Variants in PPFIBP1 observed in about 807,000 individuals in gnomAD.
PPFIBP1 encodes PPFIB scaffold protein 1.
A neutral mutation model predicts 137.8 loss-of-function variants in PPFIBP1; 112 were observed. The observed-to-expected ratio is 0.81, with a 90% CI of 0.70 to 0.95. The LOEUF (loss-of-function observed/expected upper bound fraction) is 0.95. Among genes scored for constraint, PPFIBP1 ranks in the 40% least tolerant of loss-of-function variants. The probability of loss-of-function intolerance (pLI) is 0.00; values close to 1 mark genes in which losing one functional copy is unlikely to be tolerated. For synonymous variants in PPFIBP1, 378 were observed against 417.3 expected (o/e 0.91, Z 1.15); for missense variants, 1,083 against 1,196.6 (o/e 0.91, Z 1.40).
At chr12:27,647,602 A>AT (rs58956640) in intron 5 of PPFIBP1, 127 bp from the exon 6 acceptor site, 718 of 560,302 alleles carry the variant, frequency 1.3e-3, no homozygotes, top group South Asian at 2.5e-3. Flanking sequence ...TACTTCTCAG[A>AT]TTTTTTTTTC....
chr12:27,539,067 G>A (rs1211786055), intron 1 of PPFIBP1, among the ~76,000 whole-genome samples: 1 of 152,222 alleles, frequency 6.6e-6, no homozygotes, highest in South Asian at 2.1e-4. Context: ...AGTATCAGTA[G>A]TGCTGAGGTT....
intron 5 of PPFIBP1, among the ~76,000 whole-genome samples, chr12:27,647,284 A>G (rs1417446660): frequency 1.3e-5 from 2 of 152,146 alleles, no homozygotes; most frequent in Non-Finnish European, 2.9e-5. Flanking sequence ...TACAGGCGTG[A>G]GCCACCGTGC....
intron 2 of PPFIBP1, among the ~76,000 whole-genome samples, chr12:27,580,903 A>G (rs73078243): frequency 0.2 from 29,900 of 149,956 alleles, 3,199 homozygotes; most frequent in Middle Eastern, 0.27. Flanking sequence ...TTTATACATT[A>G]TACTCTTTTT....
At chr12:27,668,148 GC>G (rs1593254639) in intron 13 of PPFIBP1, among the ~76,000 whole-genome samples, 2 of 152,004 alleles carry the variant, frequency 1.3e-5, no homozygotes, top group Non-Finnish European at 2.9e-5. Flanking sequence ...AAATACACTC[GC>G]CCCCTTTCCG....
intron 3 of PPFIBP1, among the ~76,000 whole-genome samples, chr12:27,634,491 C>T (rs2139056971): frequency 6.6e-6 from 1 of 152,298 alleles, no homozygotes; most frequent in East Asian, 1.9e-4. Context: ...TAGTCTTCAT[C>T]TGGGTTCATT....
rs527864168 is a variant in PPFIBP1, at chr12:27,683,596, G to A, written c.2247+893G>A. On this transcript the variant is annotated intron_variant, in intron 24 of 29. Coordinates refer to ENST00000228425, the MANE Select transcript of PPFIBP1 (RefSeq NM_003622.4). The stretch of plus-strand genomic sequence containing the variant: ...TTACTGGGGTTAAAGGAGGAGGGAG[G>A]AAGGCTAGACTTCTACTCTGGTTCC... Among the ~76,000 whole-genome samples, 111 of 152,274 alleles carry A rather than the reference G, an allele frequency of 7.3e-4. 1 individual carries two copies. Among genetic ancestry groups the A allele is most frequent in the African/African-American group, 2.6e-3 (109 of 41,566 alleles).
chr12:27,646,378 G>T, intron 5 of PPFIBP1: 1 of 536,732 alleles, frequency 1.9e-6, no homozygotes. Context: ...GGACCAGTCT[G>T]AATACGGGCA....
intron 16 of PPFIBP1, 69 bp downstream of exon 16, chr12:27,673,896 T>C (rs1234361757): frequency 1.1e-5 from 15 of 1,333,418 alleles, no homozygotes; most frequent in Non-Finnish European, 1.6e-5. Context: ...GATCTTCATC[T>C]TTTCCCTTTT....
At chr12:27,528,743 G>T (rs542757221) in intron 1 of PPFIBP1, among the ~76,000 whole-genome samples, 1 of 152,250 alleles carries the variant, frequency 6.6e-6, no homozygotes, top group East Asian at 1.9e-4. Flanking sequence ...AGAAATATGG[G>T]TTCTTCTAGG....
chr12:27,560,684 A>G (rs1167892414), intron 1 of PPFIBP1, among the ~76,000 whole-genome samples: 9 of 152,208 alleles, frequency 5.9e-5, no homozygotes, highest in Non-Finnish European at 8.8e-5. Context: ...CTTCTGTTTT[A>G]AGATGAGTAG....
intron 2 of PPFIBP1, among the ~76,000 whole-genome samples, chr12:27,602,323 G>A (rs574706391): frequency 6.6e-6 from 1 of 152,276 alleles, no homozygotes; most frequent in South Asian, 2.1e-4. Context: ...TATATTTAAG[G>A]TGTACAGTGT....
At chr12:27,558,081 T>C (rs911983506) in intron 1 of PPFIBP1, among the ~76,000 whole-genome samples, 2 of 152,248 alleles carry the variant, frequency 1.3e-5, no homozygotes, top group African/African-American at 4.8e-5. Context: ...AAAGTGTTCT[T>C]TCTACATACG....
chr12:27,586,965 C>T (rs1255814675), intron 2 of PPFIBP1, among the ~76,000 whole-genome samples: 2 of 152,142 alleles, frequency 1.3e-5, no homozygotes, highest in African/African-American at 4.8e-5. Context: ...TTGAAACTTG[C>T]AAAAATTTCA....
intron 8 of PPFIBP1, chr12:27,655,105 A>G (rs1319574483): frequency 1.4e-6 from 2 of 1,403,984 alleles, no homozygotes; most frequent in South Asian, 1.2e-5. Context: ...GTCTTTTTCT[A>G]TCTGTAGTTT....
Position 27,670,778 on chromosome 12 carries a change from CA to C in PPFIBP1, c.1147-635del, listed in dbSNP as rs1173003497. 1.8e-3 allele frequency among the ~76,000 whole-genome samples: 258 copies of C among 142,158 alleles called. 1 individual carries two copies. The highest frequency in any genetic ancestry group is 6.3e-3 in the African/African-American group (249 of 39,324). The allele number at this position is 142,158 out of a possible 152,430, so 93.3% of individuals were successfully genotyped here. On this transcript the variant is annotated intron_variant, in intron 13 of 29. Coordinates refer to ENST00000228425, the MANE Select transcript of PPFIBP1 (RefSeq NM_003622.4). Reference sequence around the variant, plus strand: ...TGGATGACAAAGTGAGACCCTGTCTCAAAAAAAAAAAAAAAAAATAATAATA... The same window carrying C: ...TGGATGACAAAGTGAGACCCTGTCTCAAAAAAAAAAAAAAAAATAATAATA...
At chr12:27,670,102 G>A (rs562642854) in intron 13 of PPFIBP1, among the ~76,000 whole-genome samples, 1 of 152,216 alleles carries the variant, frequency 6.6e-6, no homozygotes, top group African/African-American at 2.4e-5. Flanking sequence ...GGAGTTCATT[G>A]TGGCAAACTT....
At chr12:27,542,328 A>T (rs1042771016) in intron 1 of PPFIBP1, among the ~76,000 whole-genome samples, 1 of 152,244 alleles carries the variant, frequency 6.6e-6, no homozygotes, top group African/African-American at 2.4e-5. Context: ...GAACTTTAGC[A>T]TCTGCGGATT....
At chr12:27,561,715 G>A (rs1014417768) in intron 1 of PPFIBP1, among the ~76,000 whole-genome samples, 6 of 151,994 alleles carry the variant, frequency 3.9e-5, no homozygotes, top group African/African-American at 1.4e-4. Context: ...GTAGTTCTCC[G>A]AGCACTCCTC....
In PPFIBP1 at chr12:27,542,837, C is replaced by T. The variant is rs189919600; in HGVS notation, c.-124+18472C>T. ...TCGTAGGCAAAACATGTTTTGTCTA[C>T]GTGTTCATGTAAAAAGCACAGACGG... On this transcript the variant is annotated intron_variant, in intron 1 of 29. Coordinates refer to ENST00000228425, the MANE Select transcript of PPFIBP1 (RefSeq NM_003622.4). 2.8e-3 allele frequency among the ~76,000 whole-genome samples: 430 copies of T among 152,200 alleles called. 2 individuals are homozygous for T. Among genetic ancestry groups the T allele is most frequent in the Middle Eastern group, 0.01 (3 of 294 alleles).
Sources: gnomAD v4.1 joint callset for allele counts (sites outside exome capture counted in the v4.1 genomes callset) on GRCh38, gnomAD v4.1.1 for gene constraint, MANE v1.5 for transcripts, NCBI Gene and HGNC (gene_info 2026-07-23, HGNC 2026-07-21) for gene names.